Variants in TNFRSF1B observed in about 807,000 individuals in gnomAD.
TNFRSF1B encodes the protein tumor necrosis factor receptor superfamily member 1B.
TNFRSF1B carries 19 observed loss-of-function variants against 44.6 expected under a neutral mutation model. The observed-to-expected ratio is 0.43, with a 90% CI of 0.30 to 0.62. The LOEUF (loss-of-function observed/expected upper bound fraction) is 0.62, where lower values mean the gene tolerates loss of function less well. Ranked by LOEUF, TNFRSF1B falls within the 20% of genes least tolerant of loss-of-function variation. The probability of loss-of-function intolerance (pLI) is 0.16; values close to 1 mark genes in which losing one functional copy is unlikely to be tolerated. For synonymous variants in TNFRSF1B, 252 were observed against 261.1 expected, an observed-to-expected ratio of 0.97 and a Z score of 0.34; for missense variants, 541 against 619.9, an observed-to-expected ratio of 0.87 and a Z score of 1.35.
intron 9 of TNFRSF1B, among the ~76,000 whole-genome samples, chr1:12,203,837 C>T (rs1198697766): frequency 6.6e-6 from 1 of 152,228 alleles, no homozygotes; most frequent in Non-Finnish European, 1.5e-5. Context: ...TCAAGTGATC[C>T]TCCCACCTCA....
In TNFRSF1B at chr1:12,194,035, A is replaced by G. The variant is rs375449058; in HGVS notation, c.865+3A>G. On this transcript the variant is annotated splice_donor_region_variant and intron_variant, in intron 7 of 9. Transcript: ENST00000376259. ...TGTCATCATGACCCAGGTGAAAAGTAAGAGTCCATCCTTCCTTCCTTCATC... is the reference window on the plus strand; with the variant it reads ...TGTCATCATGACCCAGGTGAAAAGTGAGAGTCCATCCTTCCTTCCTTCATC... 6.2e-7 allele frequency: 1 copy of G among 1,613,536 alleles called. No individual in the cohort carries two copies. Among genetic ancestry groups the G allele is most frequent in the Non-Finnish European group, 8.5e-7 (1 of 1,179,464 alleles).
At chr1:12,192,608 A>C in intron 5 of TNFRSF1B, 84 bp downstream of exon 5, 3 of 1,331,702 alleles carry the variant, frequency 2.3e-6, no homozygotes, top group Non-Finnish European at 3.2e-6. Context: ...AGAGCAGCTC[A>C]CCAACCACCA....
intron 8 of TNFRSF1B, among the ~76,000 whole-genome samples, chr1:12,198,061 G>T (rs984961964): frequency 6.7e-6 from 1 of 148,744 alleles, no homozygotes; most frequent in Non-Finnish European, 1.5e-5. Context: ...GGTGGAGCTT[G>T]CAGTGTACTG....
chr1:12,191,161 C>A, intron 3 of TNFRSF1B, 76 bp downstream of exon 3: 1 of 1,565,654 alleles, frequency 6.4e-7, no homozygotes, highest in South Asian at 1.2e-5. Flanking sequence ...GCCTCTTTGG[C>A]TTCCAGCTGT....
chr1:12,195,434 T>C (rs1336489505), intron 8 of TNFRSF1B, among the ~76,000 whole-genome samples: 1 of 152,214 alleles, frequency 6.6e-6, no homozygotes, highest in Non-Finnish European at 1.5e-5. Flanking sequence ...ATCTTTAGTG[T>C]GTTGACTTTT....
rs5745974 is a variant in TNFRSF1B at position 12,178,986 on chromosome 1, G to A, written c.79-9810G>A. Among the ~76,000 whole-genome samples the A allele has an allele frequency of 4.6e-5, 7 of 152,106 alleles. No individual in the cohort carries two copies. The highest frequency in any genetic ancestry group is 2.1e-4 in the South Asian group (1 of 4,810). On this transcript the variant is annotated intron_variant, in intron 1 of 9. Coordinates refer to ENST00000376259, the MANE Select transcript of TNFRSF1B (RefSeq NM_001066.3). This position sits in a 1 kb window ranked among gnomAD's most constrained non-coding sequence, Gnocchi z 4.3. The stretch of plus-strand genomic sequence containing the variant: ...CTGAGGGCAGCGAGGAGGAGGGGTC[G>A]TGGGAGATGGAGCAGGCGACATCAG...
chr1:12,203,807 G>A (rs775392585), intron 9 of TNFRSF1B, among the ~76,000 whole-genome samples: 1 of 152,042 alleles, frequency 6.6e-6, no homozygotes, highest in African/African-American at 2.4e-5. Flanking sequence ...TCTGCTCACC[G>A]CAGCCTCCGC....
chr1:12,188,034 C>T (rs1169593387), intron 1 of TNFRSF1B, among the ~76,000 whole-genome samples: 1 of 152,178 alleles, frequency 6.6e-6, no homozygotes, highest in Admixed American at 6.5e-5. Flanking sequence ...AGAACAGTGC[C>T]TGGTACCTAG....
rs763190463 is a variant in TNFRSF1B at position 12,191,841 on chromosome 1, C to T, written c.375C>T (p.Tyr125=). 4.3e-6 allele frequency: 7 copies of T among 1,612,882 alleles called. No individual in the cohort carries two copies. In the South Asian group the frequency reaches 6.6e-5, roughly 15 times the overall value. Residue 125 remains tyrosine (Y), a synonymous_variant, in exon 4 of 10, where the codon TAC becomes TAT. Transcript: ENST00000376259. The stretch of plus-strand genomic sequence containing the variant: ...TCTGCACCTGCAGGCCCGGCTGGTA[C>T]TGCGCGCTGAGCAAGCAGGAGGGGT... ...NRICTCRPGW[Y]CALSKQEGCR...
At chr1:12,194,693 C>A in intron 8 of TNFRSF1B, 75 bp downstream of exon 8, 1 of 1,549,792 alleles carries the variant, frequency 6.5e-7, no homozygotes, top group Non-Finnish European at 8.9e-7. Context: ...ACAGAGGAAG[C>A]AGTGAATTCT....
At chr1:12,192,568 T>A (rs761148768) in intron 5 of TNFRSF1B, 44 bp downstream of exon 5, 1 of 1,559,814 alleles carries the variant, frequency 6.4e-7, no homozygotes, top group East Asian at 2.2e-5. Flanking sequence ...AGGGAGGGGC[T>A]GTCCCTGGGT....
Position 12,171,799 on chromosome 1 carries a change from C to A in TNFRSF1B, c.78+4630C>A, listed in dbSNP as rs1297321204. Among the ~76,000 whole-genome samples the A allele has an allele frequency of 1.3e-5, 2 of 152,304 alleles. No individual in the cohort carries two copies. The highest frequency in any genetic ancestry group is 3.9e-4 in the East Asian group (2 of 5,186). ...AATATCTCCAGATATTGCTAAGTGT[C>A]CTTTGGGGTTGGGGGATTGCCCCTG... On this transcript the variant is annotated intron_variant, in intron 1 of 9. Transcript: ENST00000376259. The surrounding 1 kb of genome is among the most constrained non-coding windows in gnomAD (Gnocchi z 4.5).
In TNFRSF1B at chr1:12,178,139, C is replaced by T. The variant is rs112156978; in HGVS notation, c.79-10657C>T. Among the ~76,000 whole-genome samples, 1,227 of 152,334 alleles carry T rather than the reference C, an allele frequency of 8.1e-3. 14 individuals carry two copies. Among genetic ancestry groups the T allele is most frequent in the African/African-American group, 0.028 (1,158 of 41,570 alleles). Reference sequence around the variant, plus strand: ...TCAGTCTGCTGCTCTGAGGACGCCGCCCCCTCTCTTTGTAAGTCCATTTCC... The same window carrying T: ...TCAGTCTGCTGCTCTGAGGACGCCGTCCCCTCTCTTTGTAAGTCCATTTCC... On this transcript the variant is annotated intron_variant, in intron 1 of 9. Coordinates refer to ENST00000376259, the MANE Select transcript of TNFRSF1B (RefSeq NM_001066.3). The surrounding 1 kb of genome is among the most constrained non-coding windows in gnomAD (Gnocchi z 4.3).
intron 2 of TNFRSF1B, 72 bp from the exon 3 acceptor site, chr1:12,190,885 G>A: frequency 6.4e-7 from 1 of 1,556,160 alleles, no homozygotes; most frequent in Non-Finnish European, 8.7e-7. Context: ...GGACTTTGTG[G>A]GGACAGTGGA....
At chr1:12,190,928 G>A (rs1219221585) in intron 2 of TNFRSF1B, 29 bp from the exon 3 acceptor site, 7 of 1,609,656 alleles carry the variant, frequency 4.3e-6, no homozygotes, top group Non-Finnish European at 5.9e-6. Flanking sequence ...GGCTCGCCCA[G>A]CTGAGACCTC....
intron 5 of TNFRSF1B, among the ~76,000 whole-genome samples, 153 bp downstream of exon 5, chr1:12,192,677 C>A (rs1164386573): frequency 2.0e-5 from 3 of 151,910 alleles, no homozygotes; most frequent in Non-Finnish European, 4.4e-5. Context: ...GTGGGCAGGA[C>A]CTTGCCCTGG....
intron 7 of TNFRSF1B, among the ~76,000 whole-genome samples, chr1:12,194,373 C>T (rs374216192): frequency 3.3e-5 from 5 of 151,926 alleles, no homozygotes; most frequent in Admixed American, 6.6e-5. Context: ...TCAGTGGAGG[C>T]GCGGATGGTA....
rs145852892 is a variant in TNFRSF1B at position 12,178,474 on chromosome 1, CTG to C, written c.79-10318_79-10317del. Among the ~76,000 whole-genome samples the C allele has an allele frequency of 6.4e-4, 98 of 152,308 alleles. No individual in the cohort carries two copies. Among genetic ancestry groups the C allele is most frequent in the Non-Finnish European group, 1.1e-3 (78 of 68,020 alleles). On this transcript the variant is annotated intron_variant, in intron 1 of 9. Transcript: ENST00000376259. The surrounding 1 kb of genome is among the most constrained non-coding windows in gnomAD (Gnocchi z 4.3). ...AGAACTGGGATCAAAGCCCACGTGT[CTG>C]TGTCTGGCTCAGCGCCCATACAAGG...
At chr1:12,185,874 C>T (rs1273071033) in intron 1 of TNFRSF1B, among the ~76,000 whole-genome samples, 1 of 152,184 alleles carries the variant, frequency 6.6e-6, no homozygotes, top group African/African-American at 2.4e-5. Flanking sequence ...GGCTTCCCAT[C>T]TAGCGAGGGG....
Sources: gnomAD v4.1 joint callset for allele counts (sites outside exome capture counted in the v4.1 genomes callset) on GRCh38, gnomAD v4.1.1 for gene constraint, Gnocchi (gnomAD v3.1) non-coding constraint, MANE v1.5 for transcripts, NCBI Gene and HGNC (gene_info 2026-07-23, HGNC 2026-07-21) for gene names.